Variants in GABPB1 observed in about 807,000 individuals in gnomAD.
GABPB1 encodes GA binding protein transcription factor subunit beta 1, also known as GA-binding protein subunit beta-1.
In GABPB1, 15 loss-of-function variants were observed where a neutral mutation model predicts 45.9. The observed-to-expected ratio is 0.33, with a 90% CI of 0.22 to 0.50. The LOEUF (loss-of-function observed/expected upper bound fraction) is 0.50, where lower values mean the gene tolerates loss of function less well. Ranked by LOEUF, GABPB1 falls within the 20% of genes least tolerant of loss-of-function variation. The probability of loss-of-function intolerance (pLI) is 0.98; values close to 1 mark genes in which losing one functional copy is unlikely to be tolerated. For synonymous variants in GABPB1, 143 were observed against 154.4 expected (o/e 0.93, Z 0.55); for missense variants, 252 against 457.5 (o/e 0.55, Z 4.10).
At position 50,295,852 on chromosome 15, in the gene GABPB1, A is replaced by C. The variant is rs146749470; in HGVS notation, c.697+4937T>G. Among the ~76,000 whole-genome samples, 846 of 141,578 alleles carry C rather than the reference A, an allele frequency of 6.0e-3. 3 individuals are homozygous for C. The highest frequency in any genetic ancestry group is 9.7e-3 in the Non-Finnish European group (589 of 60,984). The allele number at this position is 141,578 out of a possible 152,430, so 92.9% of individuals were successfully genotyped here. The stretch of plus-strand genomic sequence containing the variant: ...AATTCAATGAGCTATTTTAATCATC[A>C]AGCACTGACAACCTGCTGTTATATT... On this transcript the variant is annotated intron_variant, in intron 6 of 8. Coordinates refer to ENST00000380877, the MANE Select transcript of GABPB1 (RefSeq NM_016654.5).
intron 1 of GABPB1, among the ~76,000 whole-genome samples, chr15:50,339,475 G>A (rs1047165499): frequency 4.0e-5 from 6 of 151,416 alleles, no homozygotes; most frequent in Non-Finnish European, 7.4e-5. Flanking sequence ...CTCCAGCCTG[G>A]GCAACAGAGT....
chr15:50,309,599 C>T, intron 2 of GABPB1, 92 bp downstream of exon 2: 1 of 672,092 alleles, frequency 1.5e-6, no homozygotes, highest in Non-Finnish European at 2.6e-6. Context: ...AACTTTTTAC[C>T]ACTTATAAAC....
At chr15:50,286,318 G>A (rs1010972129) in intron 7 of GABPB1, 135 bp from the exon 8 acceptor site, 4 of 602,890 alleles carry the variant, frequency 6.6e-6, no homozygotes, top group Non-Finnish European at 7.6e-6. Context: ...TCATTGATTT[G>A]CTTTTTATGA....
At chr15:50,342,004 T>G (rs1164279492) in intron 1 of GABPB1, among the ~76,000 whole-genome samples, 3 of 152,210 alleles carry the variant, frequency 2.0e-5, no homozygotes, top group Non-Finnish European at 4.4e-5. Flanking sequence ...TGGATTTATA[T>G]TTTAATACAG....
chr15:50,309,922 G>A (rs1198081233), intron 1 of GABPB1, 124 bp from the exon 2 acceptor site: 4 of 547,736 alleles, frequency 7.3e-6, no homozygotes, highest in Admixed American at 7.0e-5. Flanking sequence ...AGTGTGCTAT[G>A]GTTAATTTAA....
chr15:50,325,914 T>G (rs77285238), intron 1 of GABPB1, among the ~76,000 whole-genome samples: 7,339 of 46,784 alleles, frequency 0.16, 297 homozygotes, highest in Admixed American at 0.23. Context: ...TTTTTTTTGT[T>G]TTTTTTTTTT....
intron 1 of GABPB1, among the ~76,000 whole-genome samples, chr15:50,345,331 G>A (rs986651419): frequency 6.6e-6 from 1 of 152,216 alleles, no homozygotes; most frequent in African/African-American, 2.4e-5. Flanking sequence ...AACTGCGTAA[G>A]TTAGGAAAGT....
chr15:50,334,504 CCT>C (rs1491329575), intron 1 of GABPB1, among the ~76,000 whole-genome samples: 2 of 134,874 alleles, frequency 1.5e-5, no homozygotes, highest in African/African-American at 2.8e-5. Flanking sequence ...TTCTTTTTTT[CCT>C]TTTTTTTTTT....
intron 1 of GABPB1, among the ~76,000 whole-genome samples, chr15:50,310,767 CAGG>C (rs1427430141): frequency 6.6e-6 from 1 of 152,054 alleles, no homozygotes; most frequent in Non-Finnish European, 1.5e-5. Context: ...TCCTTGAGGC[CAGG>C]AGTTCGAGAC....
intron 1 of GABPB1, among the ~76,000 whole-genome samples, chr15:50,340,378 C>G (rs1011592541): frequency 6.6e-6 from 1 of 152,074 alleles, no homozygotes; most frequent in African/African-American, 2.4e-5. Flanking sequence ...ATAGGCAATA[C>G]TTTCATATAG....
Position 50,275,693 on chromosome 15 carries a change from C to A in GABPB1, c.*2939G>T, listed in dbSNP as rs2045830971. 6.6e-6 allele frequency: 1 copy of A among 152,154 alleles called. No homozygotes were observed. The highest frequency in any genetic ancestry group is 2.4e-5 in the African/African-American group (1 of 41,434). The allele number at this position is 152,154 out of a possible 1,614,324, so 9.4% of individuals were successfully genotyped here. A position where few individuals can be genotyped will look rare whatever the true frequency, so the allele number is the denominator to read the frequency against. ...GTGACAGAGTAAAAGAACTCTTCTG[C>A]CATTCATATCACAAAAGATTGATGT... is the stretch of plus-strand genomic sequence containing the variant. On this transcript the variant is annotated 3_prime_UTR_variant, in exon 9 of 9. Coordinates refer to ENST00000380877, the MANE Select transcript of GABPB1 (RefSeq NM_016654.5).
At chr15:50,333,721 C>G (rs542710597) in intron 1 of GABPB1, among the ~76,000 whole-genome samples, 2 of 152,220 alleles carry the variant, frequency 1.3e-5, no homozygotes, top group South Asian at 4.1e-4. Context: ...CTGCTGATTT[C>G]CACTGTTGCT....
intron 6 of GABPB1, among the ~76,000 whole-genome samples, chr15:50,294,437 C>G (rs143579529): frequency 0.011 from 1,711 of 152,170 alleles, 30 homozygotes; most frequent in African/African-American, 0.039. Flanking sequence ...TGGTGTGAAC[C>G]TGGGAGGAGG....
chr15:50,278,853 A>G, intron 8 of GABPB1, 69 bp from the exon 9 acceptor site: 1 of 1,219,542 alleles, frequency 8.2e-7, no homozygotes, highest in Non-Finnish European at 1.1e-6. Context: ...ATAAGCATGC[A>G]TCCTTCAAAT....
In GABPB1 at chr15:50,289,472, C is replaced by G. The variant is rs1382790774; in HGVS notation, c.883+11G>C. On this transcript the variant is annotated intron_variant, in intron 7 of 8. Coordinates refer to ENST00000380877, the MANE Select transcript of GABPB1 (RefSeq NM_016654.5). ...AAACATACAAACTTTATATAAATGT[C>G]TACTACTAACCTTGTTGTCCATCTG... 1.3e-6 allele frequency: 2 copies of G among 1,532,576 alleles called. No individual in the cohort carries two copies. The highest frequency in any genetic ancestry group is 2.3e-5 in the East Asian group (1 of 43,686). The allele number at this position is 1,532,576 out of a possible 1,614,324, so 94.9% of individuals were successfully genotyped here. A position where few individuals can be genotyped will look rare whatever the true frequency, so the allele number is the denominator to read the frequency against.
chr15:50,290,120 T>C (rs1166687341), intron 6 of GABPB1, among the ~76,000 whole-genome samples: 1 of 152,202 alleles, frequency 6.6e-6, no homozygotes, highest in Non-Finnish European at 1.5e-5. Context: ...TAAAACTCAG[T>C]CGCCAGAGGT....
rs2046060035 is a variant in GABPB1 at position 50,283,531 on chromosome 15, T to TC, written c.999+2536dup. 4.0e-5 allele frequency among the ~76,000 whole-genome samples: 6 copies of TC among 151,854 alleles called. No homozygotes were observed. In the South Asian group the frequency reaches 1.0e-3, roughly 26 times the overall value. ...TTAGCACCTTATTGTTTTTTTTTTT[T>TC]CTTTTGTCTCACTCTGTCACCCAGG... On this transcript the variant is annotated intron_variant, in intron 8 of 8. Transcript: ENST00000380877.
Position 50,284,737 on chromosome 15 carries a change from G to A in GABPB1, c.999+1331C>T, listed in dbSNP as rs192353965. Among the ~76,000 whole-genome samples, 387 of 152,160 alleles carry A rather than the reference G, an allele frequency of 2.5e-3. 2 individuals are homozygous for A. Among genetic ancestry groups the A allele is most frequent in the Non-Finnish European group, 3.1e-3 (213 of 67,996 alleles). On this transcript the variant is annotated intron_variant, in intron 8 of 8. Coordinates refer to ENST00000380877, the MANE Select transcript of GABPB1 (RefSeq NM_016654.5). ...TAATACTTTATTAGATAGTTAAAGCGAAGTACATGACAATTTTTTTACCTT... is the reference window on the plus strand; with the variant it reads ...TAATACTTTATTAGATAGTTAAAGCAAAGTACATGACAATTTTTTTACCTT...
At chr15:50,324,275 A>G (rs1166666504) in intron 1 of GABPB1, among the ~76,000 whole-genome samples, 1 of 152,172 alleles carries the variant, frequency 6.6e-6, no homozygotes, top group Non-Finnish European at 1.5e-5. Context: ...TGCTCAATAA[A>G]TCTGAGTTAC....
Sources: allele counts gnomAD v4.1 joint callset (sites outside exome capture counted in the v4.1 genomes callset), GRCh38; gene constraint gnomAD v4.1.1; transcripts MANE v1.5; gene names NCBI Gene and HGNC (gene_info 2026-07-23, HGNC 2026-07-21).